The following EBAG9 variants were observed in gnomAD, a reference collection of about 807,000 sequenced individuals.
EBAG9 encodes estrogen receptor binding site associated antigen 9.
In EBAG9, 16 loss-of-function variants were observed where a neutral mutation model predicts 30.9. The observed-to-expected ratio is 0.52, with a 90% CI of 0.35 to 0.79. The LOEUF (loss-of-function observed/expected upper bound fraction) is 0.79, where lower values mean the gene tolerates loss of function less well. Among genes scored for constraint, EBAG9 ranks in the 30% least tolerant of loss-of-function variants. The pLI, the probability that EBAG9 is intolerant of heterozygous loss-of-function variation, is 0.01. For synonymous variants in EBAG9, 93 were observed against 82.8 expected (o/e 1.12, Z -0.67); for missense variants, 197 against 242.1 (o/e 0.81, Z 1.24).
intron 1 of EBAG9, among the ~76,000 whole-genome samples, chr8:109,548,088 T>G (rs1344564573): frequency 6.6e-6 from 1 of 151,154 alleles, no homozygotes; most frequent in African/African-American, 2.4e-5. Flanking sequence ...AGTTGTGTTG[T>G]TTTTTTTTCT....
intron 5 of EBAG9, among the ~76,000 whole-genome samples, chr8:109,560,443 G>A (rs753203746): frequency 2.6e-4 from 39 of 152,144 alleles, no homozygotes; most frequent in Non-Finnish European, 4.7e-4. Context: ...GTCCAGTCAA[G>A]GATTTCTAAT....
intron 4 of EBAG9, 130 bp from the exon 5 acceptor site, chr8:109,556,803 CTT>C (rs1276447688): frequency 2.3e-6 from 1 of 432,256 alleles, no homozygotes; most frequent in African/African-American, 2.1e-5. Context: ...TATTTACAGA[CTT>C]TTTTTTTAGT....
intron 5 of EBAG9, among the ~76,000 whole-genome samples, chr8:109,558,990 A>G (rs1563657285): frequency 6.6e-6 from 1 of 151,940 alleles, no homozygotes; most frequent in Non-Finnish European, 1.5e-5. Flanking sequence ...CTACTAAAGG[A>G]TCAGATACCA....
At chr8:109,559,479 C>T (rs765696734) in intron 5 of EBAG9, among the ~76,000 whole-genome samples, 2 of 151,968 alleles carry the variant, frequency 1.3e-5, no homozygotes, top group Non-Finnish European at 2.9e-5. Context: ...AGTAAAATAA[C>T]AAGATACAAT....
At chr8:109,543,338 C>T (rs1033861539) in intron 1 of EBAG9, among the ~76,000 whole-genome samples, 1 of 151,642 alleles carries the variant, frequency 6.6e-6, no homozygotes. Flanking sequence ...CCTACAAGCC[C>T]CTTCTGACCC....
At chr8:109,539,787 G>T (rs968219315), upstream of EBAG9, 1 of 152,210 alleles carries the variant, frequency 6.6e-6, no homozygotes. Flanking sequence ...TTGAATGAGC[G>T]GGGCTGGGAG....
chr8:109,560,982 C>A, intron 6 of EBAG9, 53 bp downstream of exon 6: 1 of 1,476,348 alleles, frequency 6.8e-7, no homozygotes, highest in Non-Finnish European at 9.4e-7. Flanking sequence ...AGATTTCTTC[C>A]CTGCTGTGTT....
intron 3 of EBAG9, 97 bp downstream of exon 3, chr8:109,554,040 A>T: frequency 1.3e-6 from 1 of 798,956 alleles, no homozygotes; most frequent in Non-Finnish European, 1.8e-6. Context: ...GCAGATCATT[A>T]ATAGAAATTA....
At chr8:109,557,367 G>T (rs1341066208) in intron 5 of EBAG9, among the ~76,000 whole-genome samples, 1 of 152,180 alleles carries the variant, frequency 6.6e-6, no homozygotes, top group African/African-American at 2.4e-5. Context: ...AGTGAGTTAT[G>T]AATTGTTTTC....
chr8:109,565,360 C>T lies in EBAG9; in HGVS notation c.*801C>T, dbSNP rs1473255326. On this transcript the variant is annotated 3_prime_UTR_variant, in exon 7 of 7. Transcript: ENST00000337573. ...TGTGGTATCTTTGAGTGCCTTAGTT[C>T]TTCCTTCCTCCCAAAAGCCATTAAT... 6.6e-6 allele frequency: 1 copy of T among 151,946 alleles called. No homozygotes were observed. The highest frequency in any genetic ancestry group is 2.4e-5 in the African/African-American group (1 of 41,392). 9.4% of individuals were successfully genotyped at this position (151,946 alleles called of 1,614,324 possible). A position where few individuals can be genotyped will look rare whatever the true frequency, so the allele number is the denominator to read the frequency against.
In EBAG9 at chr8:109,554,840, CCTGA is replaced by C; in HGVS notation, c.277_280del (p.Asp93IlefsTer5). On this transcript the variant is annotated frameshift_variant, in exon 4 of 7. Coordinates refer to ENST00000337573, the MANE Select transcript of EBAG9 (RefSeq NM_004215.5). LOFTEE classifies it high-confidence loss of function. ...ACAAAATTCTTTGGAACAACTGGAA[CCTGA>C]CTATTTTAAGGACATGACACCAACT... 1 of 1,613,758 alleles carries C rather than the reference CCTGA, an allele frequency of 6.2e-7. No homozygotes were observed. The highest frequency in any genetic ancestry group is 8.5e-7 in the Non-Finnish European group (1 of 1,179,784).
At position 109,564,698 on chromosome 8, in the gene EBAG9, G is replaced by A. The variant is rs1461958374; in HGVS notation, c.*139G>A. On this transcript the variant is annotated 3_prime_UTR_variant, in exon 7 of 7. Coordinates refer to ENST00000337573, the MANE Select transcript of EBAG9 (RefSeq NM_004215.5). ...TTGATCAGGCCATCCAGGACACCACGATTCTCCCAAAGTACCTTGAACTCT... is the reference window on the plus strand; with the variant it reads ...TTGATCAGGCCATCCAGGACACCACAATTCTCCCAAAGTACCTTGAACTCT... 12 of 1,225,852 alleles carry A rather than the reference G, an allele frequency of 9.8e-6. No homozygotes were observed. Among genetic ancestry groups the A allele is most frequent in the East Asian group, 5.0e-5 (2 of 39,926 alleles). 75.9% of individuals were successfully genotyped at this position (1,225,852 alleles called of 1,614,324 possible).
intron 2 of EBAG9, among the ~76,000 whole-genome samples, chr8:109,553,475 G>A (rs1210383460): frequency 6.6e-6 from 1 of 152,162 alleles, no homozygotes. Context: ...AACCCCATGT[G>A]TAAAACATAA....
At chr8:109,563,444 C>G in intron 6 of EBAG9, 1 of 1,597,716 alleles carries the variant, frequency 6.3e-7, no homozygotes, top group Non-Finnish European at 8.5e-7. Context: ...TTTCATCATC[C>G]CACTCCTACC....
intron 1 of EBAG9, among the ~76,000 whole-genome samples, chr8:109,541,529 C>T (rs372495462): frequency 3.3e-5 from 5 of 152,104 alleles, no homozygotes; most frequent in Admixed American, 3.3e-4. Flanking sequence ...TTGTCTTGAG[C>T]GTTCAAGTGC....
intron 1 of EBAG9, among the ~76,000 whole-genome samples, chr8:109,548,706 T>A (rs184572094): frequency 5.9e-5 from 9 of 152,124 alleles, no homozygotes; most frequent in African/African-American, 1.9e-4. Flanking sequence ...TGTCCTCAAG[T>A]ATCATTTTTT....
At chr8:109,548,861 A>ATTTCTTTTCTATTTTTTTC (rs1821436495) in intron 1 of EBAG9, among the ~76,000 whole-genome samples, 1 of 110,184 alleles carries the variant, frequency 9.1e-6, no homozygotes. Flanking sequence ...GATGCCTTTT[A>ATTTCTTTTCTATTTTTTTC]TTTCTTTTCT....
intron 1 of EBAG9, among the ~76,000 whole-genome samples, chr8:109,545,627 C>T (rs1316114273): frequency 1.3e-5 from 2 of 152,030 alleles, no homozygotes; most frequent in South Asian, 2.1e-4. Flanking sequence ...CCTCCCAAAG[C>T]GCTGGGACTA....
intron 6 of EBAG9, chr8:109,563,645 T>TA: frequency 8.8e-7 from 1 of 1,139,744 alleles, no homozygotes; most frequent in Non-Finnish European, 1.2e-6. Flanking sequence ...GTTACACAGG[T>TA]AAACATGTGT....
Sources: gnomAD v4.1 joint callset for allele counts (sites outside exome capture counted in the v4.1 genomes callset) on GRCh38, gnomAD v4.1.1 for gene constraint, MANE v1.5 for transcripts, NCBI Gene and HGNC (gene_info 2026-07-23, HGNC 2026-07-21) for gene names.